The following C11orf97 variants were observed in gnomAD, a reference collection of about 807,000 sequenced individuals.
The protein encoded by C11orf97 is uncharacterized protein C11orf97.
Under a neutral mutation model 16.2 loss-of-function variants are expected in C11orf97, and 15 were observed. The observed-to-expected ratio is 0.93, with a 90% CI of 0.62 to 1.43. The LOEUF (loss-of-function observed/expected upper bound fraction) is 1.43. Ranked by LOEUF, C11orf97 falls within the 40% of genes most tolerant of loss-of-function variation. C11orf97 has a pLI of 0.00. For synonymous variants in C11orf97, 61 were observed against 65.7 expected (o/e 0.93, Z 0.34); for missense variants, 171 against 161.2 (o/e 1.06, Z -0.33).
Position 94,522,631 on chromosome 11 carries a change from T to C in C11orf97, c.250+4944T>C, listed in dbSNP as rs368333818. On this transcript the variant is annotated intron_variant, in intron 2 of 3. Transcript: ENST00000542198. ...TCTCAATGAATGGCATAGCCTATGG[T>C]CCAAATGCAAATCCAGAGAGCCATC... is the stretch of plus-strand genomic sequence containing the variant. Among the ~76,000 whole-genome samples the C allele has an allele frequency of 1.1e-4, 16 of 152,208 alleles. No individual in the cohort carries two copies. The East Asian group carries it at 2.3e-3, about 22-fold the overall frequency.
At chr11:94,522,139 C>T (rs1281494789) in intron 2 of C11orf97, among the ~76,000 whole-genome samples, 1 of 152,146 alleles carries the variant, frequency 6.6e-6, no homozygotes, top group Non-Finnish European at 1.5e-5. Context: ...TCACTACGGC[C>T]TCTCTAGGAT....
chr11:94,523,140 G>A (rs1184065860), intron 2 of C11orf97, among the ~76,000 whole-genome samples: 3 of 152,180 alleles, frequency 2.0e-5, no homozygotes. Flanking sequence ...TAGTAAAAAA[G>A]AGAAAGACTG....
At chr11:94,513,368 G>C (rs1030742640) in intron 1 of C11orf97, among the ~76,000 whole-genome samples, 2 of 152,226 alleles carry the variant, frequency 1.3e-5, no homozygotes, top group African/African-American at 2.4e-5. Flanking sequence ...CACCCATACT[G>C]TTTCATGAAT....
intron 1 of C11orf97, among the ~76,000 whole-genome samples, chr11:94,513,607 C>T (rs1343371196): frequency 6.6e-6 from 1 of 152,170 alleles, no homozygotes; most frequent in East Asian, 1.9e-4. Context: ...TGGTGGACCA[C>T]ACACTCTCCT....
rs377262767 is a variant in C11orf97 at position 94,528,196 on chromosome 11, C to T, written c.363C>T (p.His121=). The change falls in exon 3 of 4, where the codon CAC becomes CAT. Residue 121 remains histidine (H), a synonymous_variant. Coordinates refer to ENST00000542198, the MANE Select transcript of C11orf97 (RefSeq NM_001190462.2). ...CACAAGCCAAGTACTACTCCAGGCA[C>T]GGAGGACTCAGAAGTAAGACCCTGA... ...LLPQAKYYSR[H]GGLRR is the part of the protein sequence containing the mutation. 29 of 1,534,582 alleles carry T rather than the reference C, an allele frequency of 1.9e-5. No individual in the cohort carries two copies. Among genetic ancestry groups the T allele is most frequent in the South Asian group, 8.4e-5 (7 of 83,788 alleles).
At chr11:94,527,160 A>G (rs1364304753) in intron 2 of C11orf97, among the ~76,000 whole-genome samples, 1 of 152,220 alleles carries the variant, frequency 6.6e-6, no homozygotes, top group Admixed American at 6.5e-5. Flanking sequence ...TAGAACTAAG[A>G]TCAAAACCCA....
At chr11:94,526,924 T>G (rs942017968) in intron 2 of C11orf97, among the ~76,000 whole-genome samples, 3 of 152,214 alleles carry the variant, frequency 2.0e-5, no homozygotes, top group African/African-American at 7.2e-5. Context: ...GTCAGCTCAA[T>G]GACTGTACCT....
intron 2 of C11orf97, among the ~76,000 whole-genome samples, chr11:94,525,623 C>A (rs7938805): frequency 0.078 from 11,843 of 152,128 alleles, 1,311 homozygotes; most frequent in African/African-American, 0.25. Flanking sequence ...TTACTAGACA[C>A]CAAAGGCTTG....
rs1947713180 is a variant in C11orf97 at position 94,528,155 on chromosome 11, A to C, written c.322A>C (p.Arg108=). Residue 108 remains arginine, a synonymous_variant, in exon 3 of 4, where the codon AGA becomes CGA. Transcript: ENST00000542198. ...AGGCTTGAAGCCAGGACTGCCGAGC[A>C]GAAACAGTTTATTGCCACAAGCCAA... ...VGGLKPGLPS[R]NSLLPQAKYY... is the part of the protein sequence containing the mutation. 3 of 1,535,968 alleles carry C rather than the reference A, an allele frequency of 2.0e-6. No individual in the cohort carries two copies. Among genetic ancestry groups the C allele is most frequent in the African/African-American group, 1.4e-5 (1 of 73,056 alleles).
At chr11:94,517,085 A>T (rs912490921) in intron 1 of C11orf97, among the ~76,000 whole-genome samples, 1 of 152,242 alleles carries the variant, frequency 6.6e-6, no homozygotes, top group Non-Finnish European at 1.5e-5. Context: ...GAAAAGTGCT[A>T]TGTCCATAAG....
intron 3 of C11orf97, among the ~76,000 whole-genome samples, chr11:94,531,490 T>C (rs16924610): frequency 0.18 from 26,488 of 145,432 alleles, 2,757 homozygotes; most frequent in East Asian, 0.28. Flanking sequence ...AAAAACCTTT[T>C]ATCGTTTCCT....
intron 2 of C11orf97, among the ~76,000 whole-genome samples, chr11:94,524,762 G>T (rs2135182932): frequency 6.6e-6 from 1 of 152,192 alleles, no homozygotes; most frequent in East Asian, 1.9e-4. Context: ...TTTTCAAAAA[G>T]AAAAATGTAG....
In C11orf97 at chr11:94,512,588, A is replaced by G; in HGVS notation, c.60A>G (p.Glu20=). Residue 20 remains glutamate (E), a synonymous_variant, in exon 1 of 4, where the codon GAA becomes GAG. Transcript: ENST00000542198. ...TGGTGGCGCCCAAGGCGGGTCGCGAAGAGGAGCAGCCTCCTCCGCCAGCAG... is the reference window on the plus strand; with the variant it reads ...TGGTGGCGCCCAAGGCGGGTCGCGAGGAGGAGCAGCCTCCTCCGCCAGCAG... ...TAVVAPKAGR[E]EEQPPPPAGL... 1 of 1,289,386 alleles carries G rather than the reference A, an allele frequency of 7.8e-7. No homozygotes were observed. The allele number at this position is 1,289,386 out of a possible 1,614,324, so 79.9% of individuals were successfully genotyped here.
chr11:94,515,623 C>A (rs1298896954), intron 1 of C11orf97, among the ~76,000 whole-genome samples: 2 of 149,652 alleles, frequency 1.3e-5, no homozygotes, highest in Non-Finnish European at 3.0e-5. Context: ...TTTCCTCTTT[C>A]CTTTCTCCTT....
intron 2 of C11orf97, among the ~76,000 whole-genome samples, chr11:94,524,338 G>T (rs1476861632): frequency 6.6e-6 from 1 of 152,076 alleles, no homozygotes; most frequent in African/African-American, 2.4e-5. Context: ...TAGCCATTGG[G>T]TTCTTCTATC....
intron 2 of C11orf97, among the ~76,000 whole-genome samples, chr11:94,526,625 A>T (rs997357067): frequency 6.6e-6 from 1 of 152,202 alleles, no homozygotes; most frequent in Non-Finnish European, 1.5e-5. Flanking sequence ...GGGGGTATTG[A>T]ATAAATGTCA....
chr11:94,512,559 G>A lies in C11orf97; in HGVS notation c.31G>A (p.Ala11Thr), dbSNP rs926177835. 4 of 1,311,482 alleles carry A rather than the reference G, an allele frequency of 3.0e-6. No homozygotes were observed. The African/African-American group carries it at 4.6e-5, about 15-fold the overall frequency. 81.2% of individuals were successfully genotyped at this position (1,311,482 alleles called of 1,614,324 possible). MTGEEAVVVT[A>T]VVAPKAGREE... The stretch of plus-strand genomic sequence containing the variant: ...AGGCGAGGAGGCGGTGGTGGTGACC[G>A]CAGTGGTGGCGCCCAAGGCGGGTCG... The change falls in exon 1 of 4, where the codon GCA (alanine) becomes ACA (threonine). Residue 11 changes from alanine (A) to threonine (T), a missense_variant. Physicochemically the swap from Ala to Thr is moderately conservative, Grantham distance 58. Coordinates refer to ENST00000542198, the MANE Select transcript of C11orf97 (RefSeq NM_001190462.2).
intron 2 of C11orf97, among the ~76,000 whole-genome samples, chr11:94,522,161 G>A (rs1223216168): frequency 6.6e-6 from 1 of 152,068 alleles, no homozygotes; most frequent in African/African-American, 2.4e-5. Context: ...CCTCTGAAAT[G>A]TGTCTCTGCA....
chr11:94,515,655 C>G (rs1278021453), intron 1 of C11orf97, among the ~76,000 whole-genome samples: 1 of 145,416 alleles, frequency 6.9e-6, no homozygotes, highest in African/African-American at 2.6e-5. Flanking sequence ...GTCCTTTCTC[C>G]TTTCCTTCCC....
Sources: gnomAD v4.1 joint callset for allele counts (sites outside exome capture counted in the v4.1 genomes callset) on GRCh38, gnomAD v4.1.1 for gene constraint, MANE v1.5 for transcripts, NCBI Gene and HGNC (gene_info 2026-07-23, HGNC 2026-07-21) for gene names.